Variants in PRAMEF4 observed in about 807,000 individuals in gnomAD.
PRAMEF4 encodes the protein PRAME family member 4.
PRAMEF4 carries 18 observed loss-of-function variants against 34.4 expected under a neutral mutation model. The ratio of observed to expected loss-of-function variants is 0.52; its 90% confidence interval spans 0.36 to 0.78. The LOEUF is 0.78. Among genes scored for constraint, PRAMEF4 ranks in the 30% least tolerant of loss-of-function variants. The pLI, the probability that PRAMEF4 is intolerant of heterozygous loss-of-function variation, is 0.00. For missense variants in PRAMEF4, 482 were observed against 569.1 expected (o/e 0.85, Z 1.56); for synonymous variants, 156 against 219.3 (o/e 0.71, Z 2.55).
chr1:12,884,888 A>G (rs201823345), intron 1 of PRAMEF4, among the ~76,000 whole-genome samples: 3 of 150,088 alleles, frequency 2.0e-5, no homozygotes. Context: ...CTTCACAAAC[A>G]TGGAGTTTTA....
In PRAMEF4 at chr1:12,879,740, A is replaced by T. The variant is rs777524656; in HGVS notation, c.1241T>A (p.Leu414Gln). The part of the protein sequence containing the change: ...TIILKNLCVE[L>Q]YPAPRESYGA... ...ATAACTCTCCCGGGGGGCAGGATAC[A>T]GCTCCACGCATAAGTTTTTGAGTAT... The change falls in exon 4 of 4, where the codon CTG (leucine) becomes CAG (glutamine). Residue 414 changes from leucine to glutamine, a missense_variant. Physicochemically the swap from Leu to Gln is moderately radical, Grantham distance 113. This residue lies in a region of PRAMEF4 where 116 missense variants were observed against 105.2 expected (regional missense o/e 1.10). Coordinates refer to ENST00000235349, the MANE Select transcript of PRAMEF4 (RefSeq NM_001009611.4). 2.5e-6 allele frequency: 4 copies of T among 1,603,354 alleles called. No homozygotes were observed. The East Asian group carries it at 9.0e-5, about 36-fold the overall frequency.
intron 1 of PRAMEF4, among the ~76,000 whole-genome samples, chr1:12,885,802 C>T (rs1557642990): frequency 6.9e-6 from 1 of 144,750 alleles, no homozygotes; most frequent in African/African-American, 2.6e-5. Flanking sequence ...AAAAAAAAAA[C>T]GTTGTGCAGA....
chr1:12,885,392 T>C (rs1371723710), intron 1 of PRAMEF4, among the ~76,000 whole-genome samples: 1 of 149,718 alleles, frequency 6.7e-6, no homozygotes, highest in African/African-American at 2.5e-5. Context: ...AGTGTCTCTC[T>C]TTTGCCCAGG....
Position 12,882,325 on chromosome 1 carries a change from T to A in PRAMEF4, c.404A>T (p.Lys135Ile), listed in dbSNP as rs4285708. ...CATCCTTGGACAGTCCTCCACTGGT[T>A]TTTTGTTCCTCTTGGCATTGAGGAA... is the stretch of plus-strand genomic sequence containing the variant. ...GCFLNAKRNK[K>I]PVEDCPRMKG... The change falls in exon 3 of 4, where the codon AAA becomes ATA. Residue 135 changes from lysine (K) to isoleucine (I), a missense_variant. This residue lies in a region of PRAMEF4 where 72 missense variants were observed against 128.9 expected (regional missense o/e 0.56). Coordinates refer to ENST00000235349, the MANE Select transcript of PRAMEF4 (RefSeq NM_001009611.4). 5.9e-6 allele frequency: 9 copies of A among 1,521,442 alleles called. No homozygotes were observed. The African/African-American group carries it at 1.3e-4, about 21-fold the overall frequency. 94.2% of individuals were successfully genotyped at this position (1,521,442 alleles called of 1,614,324 possible). A position where few individuals can be genotyped will look rare whatever the true frequency, so the allele number is the denominator to read the frequency against.
intron 2 of PRAMEF4, among the ~76,000 whole-genome samples, chr1:12,882,661 C>T (rs1251497977): frequency 2.7e-5 from 4 of 147,546 alleles, no homozygotes; most frequent in African/African-American, 1.0e-4. Context: ...TGTGATGTCA[C>T]CTCACTGCAA....
At position 12,881,907 on chromosome 1, in the gene PRAMEF4, C is replaced by G; in HGVS notation, c.822G>C (p.Lys274Asn). The change falls in exon 3 of 4, where the codon AAG becomes AAC. Residue 274 changes from lysine to asparagine, a missense_variant. Coordinates refer to ENST00000235349, the MANE Select transcript of PRAMEF4 (RefSeq NM_001009611.4). ...GGAAAGAAACAGAGTTCATATAAAG[C>G]TTTTGGAGGCAGCGCAGCTTGAGGA... ...TQFLKLRCLQ[K>N]LYMNSVSFLE... is the part of the protein sequence containing the mutation. 6.3e-7 allele frequency: 1 copy of G among 1,593,954 alleles called. No homozygotes were observed. The highest frequency in any genetic ancestry group is 8.5e-7 in the Non-Finnish European group (1 of 1,177,234).
intron 3 of PRAMEF4, 92 bp downstream of exon 3, chr1:12,881,762 C>T (rs1640893290): frequency 6.4e-7 from 1 of 1,563,388 alleles, no homozygotes; most frequent in Non-Finnish European, 8.7e-7. Flanking sequence ...ACTGTTTCAT[C>T]CTCATAGGCT....
At chr1:12,882,598 G>T (rs2185333) in intron 2 of PRAMEF4, among the ~76,000 whole-genome samples, 163 bp from the exon 3 acceptor site, 13,374 of 140,852 alleles carry the variant, frequency 0.095, 860 homozygotes, top group Non-Finnish European at 0.11. Flanking sequence ...ACATTGTTTT[G>T]TTTTTTTTTT....
At chr1:12,883,484 C>T in intron 1 of PRAMEF4, 74 bp from the exon 2 acceptor site, 2 of 1,572,272 alleles carry the variant, frequency 1.3e-6, no homozygotes, top group South Asian at 1.1e-5. Flanking sequence ...TCTCCTATGG[C>T]CAAACTCACT....
chr1:12,884,726 G>A (rs1640962375), intron 1 of PRAMEF4, among the ~76,000 whole-genome samples: 6 of 148,802 alleles, frequency 4.0e-5, no homozygotes, highest in Admixed American at 1.4e-4. Context: ...GACAGAGAGA[G>A]CTACATTTGA....
rs200286614 is a variant in PRAMEF4, at chr1:12,883,171, G to C, written c.224C>G (p.Pro75Arg). 1.9e-5 allele frequency: 31 copies of C among 1,601,106 alleles called. 1 individual carries two copies. The Middle Eastern group carries it at 1.3e-3, about 65-fold the overall frequency. The change falls in exon 2 of 4, where the codon CCT (proline) becomes CGT (arginine). Residue 75 changes from proline to arginine, a missense_variant. Transcript: ENST00000235349. ...RLPLRPLIKMPCLEAFQAVLD... is the reference protein window; with the variant it reads ...RLPLRPLIKMRCLEAFQAVLD... ...CACAGCTTGGAAGGCCTCCAGACAAGGCATCTTTATCAGAGGCCTCAGAGG... is the reference window on the plus strand; with the variant it reads ...CACAGCTTGGAAGGCCTCCAGACAACGCATCTTTATCAGAGGCCTCAGAGG...
At chr1:12,882,566 C>G in intron 2 of PRAMEF4, 131 bp from the exon 3 acceptor site, 1 of 1,267,826 alleles carries the variant, frequency 7.9e-7, no homozygotes, top group Non-Finnish European at 1.1e-6. Context: ...CTCTGTTTTC[C>G]CCTTGGATCC....
intron 1 of PRAMEF4, among the ~76,000 whole-genome samples, chr1:12,885,114 T>C (rs1640975134): frequency 6.6e-6 from 1 of 150,870 alleles, no homozygotes; most frequent in South Asian, 2.1e-4. Flanking sequence ...TATCCGATGA[T>C]CACCTGGGTC....
chr1:12,881,684 T>A (rs546736557), intron 3 of PRAMEF4, among the ~76,000 whole-genome samples, 170 bp downstream of exon 3: 1 of 144,454 alleles, frequency 6.9e-6, no homozygotes, highest in Admixed American at 7.2e-5. Context: ...ATTGGGAGGG[T>A]TGCATGATAC....
chr1:12,880,965 C>G (rs1569878029), intron 3 of PRAMEF4, among the ~76,000 whole-genome samples: 1 of 147,242 alleles, frequency 6.8e-6, no homozygotes, highest in Admixed American at 7.0e-5. Flanking sequence ...CATTCATGTT[C>G]ACCAAACTGT....
At chr1:12,880,789 C>T (rs1272927427) in intron 3 of PRAMEF4, among the ~76,000 whole-genome samples, 1 of 145,882 alleles carries the variant, frequency 6.9e-6, no homozygotes, top group Non-Finnish European at 1.5e-5. Context: ...GGTGGGCGGG[C>T]TGCAGGCGTC....
Position 12,883,396 on chromosome 1 carries a change from A to T in PRAMEF4, c.-2T>A. 1 of 1,601,574 alleles carries T rather than the reference A, an allele frequency of 6.2e-7. No homozygotes were observed. Among genetic ancestry groups the T allele is most frequent in the Non-Finnish European group, 8.5e-7 (1 of 1,174,346 alleles). On this transcript the variant is annotated 5_prime_UTR_variant, in exon 2 of 4. Coordinates refer to ENST00000235349, the MANE Select transcript of PRAMEF4 (RefSeq NM_001009611.4). Reference sequence around the variant, plus strand: ...TGGAGTCCAGATGCTCATCTTCATGAATCTGCAGGGAAAACTTCCAGAGGA... The same window carrying T: ...TGGAGTCCAGATGCTCATCTTCATGTATCTGCAGGGAAAACTTCCAGAGGA...
At position 12,884,351 on chromosome 1, in the gene PRAMEF4, C is replaced by T. The variant is rs370922157; in HGVS notation, c.-16-941G>A. The stretch of plus-strand genomic sequence containing the variant: ...AAATTTCAGTGAGAAGCTTTGAAAG[C>T]TATGTGACACTGTTATGCATCATTC... On this transcript the variant is annotated intron_variant, in intron 1 of 3. Transcript: ENST00000235349. Among the ~76,000 whole-genome samples the T allele has an allele frequency of 3.6e-3, 537 of 147,604 alleles. 3 individuals carry two copies. In the East Asian group the frequency reaches 0.075, roughly 21 times the overall value.
intron 1 of PRAMEF4, among the ~76,000 whole-genome samples, chr1:12,884,403 T>C (rs77011761): frequency 0.039 from 5,740 of 146,486 alleles, 70 homozygotes; most frequent in East Asian, 0.22. Flanking sequence ...CAATGCACAC[T>C]TGTTACACAT....
Sources: gnomAD v4.1 joint callset for allele counts (sites outside exome capture counted in the v4.1 genomes callset) on GRCh38, gnomAD v4.1.1 for gene constraint, gnomAD v4.1.1 regional missense constraint, MANE v1.5 for transcripts, NCBI Gene and HGNC (gene_info 2026-07-23, HGNC 2026-07-21) for gene names.